Variants in DPP6 observed in about 807,000 individuals in gnomAD.
DPP6 encodes the protein dipeptidyl peptidase like 6, also known as A-type potassium channel modulatory protein DPP6.
In DPP6, 69 loss-of-function variants were observed where a neutral mutation model predicts 122.6. The ratio of observed to expected loss-of-function variants is 0.56; its 90% confidence interval spans 0.46 to 0.69. The LOEUF is 0.69. Among genes scored for constraint, DPP6 ranks in the 30% least tolerant of loss-of-function variants. DPP6 has a pLI of 0.00. For missense variants in DPP6, 928 were observed against 1,116.9 expected, an observed-to-expected ratio of 0.83 and a Z score of 2.41; for synonymous variants, 418 against 433.1, an observed-to-expected ratio of 0.97 and a Z score of 0.43.
the DPP6 span, among the ~76,000 whole-genome samples, chr7:153,757,412 G>A: frequency 1.4e-4 from 22 of 152,176 alleles, no homozygotes; most frequent in African/African-American, 3.1e-4. Flanking sequence ...CTGGGGCCTC[G>A]TGGAAACTTC....
rs190890517 is a variant in DPP6 at position 153,956,034 on chromosome 7, C to T, written c.51+68300C>T. Among the ~76,000 whole-genome samples, 448 of 152,282 alleles carry T rather than the reference C, an allele frequency of 2.9e-3. 4 individuals are homozygous for T. Among genetic ancestry groups the T allele is most frequent in the Non-Finnish European group, 3.0e-3 (206 of 68,014 alleles). Reference sequence around the variant, plus strand: ...TGAGAAGCAGATGGATGTTCAGTACCGCCCCTGGGCCCAGTTCACAGCTGC... The same window carrying T: ...TGAGAAGCAGATGGATGTTCAGTACTGCCCCTGGGCCCAGTTCACAGCTGC... On this transcript the variant is annotated intron_variant, in intron 1 of 25. Coordinates refer to the DPP6 transcript ENST00000404039.
intron 1 of DPP6, among the ~76,000 whole-genome samples, chr7:154,019,540 G>A (rs2533828): frequency 0.088 from 13,221 of 149,414 alleles, 822 homozygotes; most frequent in African/African-American, 0.18. Context: ...CATATTTAAT[G>A]CACACAGTGT....
chr7:154,555,248 T>C (rs1036905539), intron 4 of DPP6, among the ~76,000 whole-genome samples: 5 of 152,144 alleles, frequency 3.3e-5, no homozygotes, highest in Non-Finnish European at 7.3e-5. Flanking sequence ...ACCTAACATA[T>C]ATTAGTTTTA....
intron 1 of DPP6, among the ~76,000 whole-genome samples, chr7:154,348,567 TC>T (rs1164666106): frequency 3.3e-5 from 5 of 152,256 alleles, no homozygotes; most frequent in South Asian, 2.1e-4. Context: ...CATTTTAGAC[TC>T]ATGAAAGGTA....
chr7:154,271,118 T>G (rs568734261), intron 1 of DPP6, among the ~76,000 whole-genome samples: 7 of 152,226 alleles, frequency 4.6e-5, no homozygotes, highest in Non-Finnish European at 1.0e-4. Flanking sequence ...CTCAGAAGAC[T>G]GTGTCTTCAT....
intron 6 of DPP6, among the ~76,000 whole-genome samples, chr7:154,646,954 T>C (rs1040736781): frequency 6.6e-6 from 1 of 152,186 alleles, no homozygotes; most frequent in Non-Finnish European, 1.5e-5. Context: ...GGGACTTTCT[T>C]AGAAAGTCTA....
At chr7:154,570,979 G>T (rs971311131) in intron 5 of DPP6, among the ~76,000 whole-genome samples, 3 of 152,170 alleles carry the variant, frequency 2.0e-5, no homozygotes, top group African/African-American at 7.2e-5. Context: ...TTTGCAATGT[G>T]TGCTTATTTA....
At chr7:154,117,796 C>T (rs891092842) in intron 1 of DPP6, among the ~76,000 whole-genome samples, 2 of 151,618 alleles carry the variant, frequency 1.3e-5, no homozygotes, top group African/African-American at 4.8e-5. Flanking sequence ...TGCAGGTGAG[C>T]AGACGGGTAG....
chr7:154,010,153 A>T (rs1798093892), intron 1 of DPP6, among the ~76,000 whole-genome samples: 3 of 152,138 alleles, frequency 2.0e-5, no homozygotes, highest in Non-Finnish European at 2.9e-5. Flanking sequence ...AACAACCCGG[A>T]TTCTTGTCTT....
chr7:154,449,017 T>G (rs1259498638), intron 2 of DPP6, among the ~76,000 whole-genome samples: 1 of 152,150 alleles, frequency 6.6e-6, no homozygotes, highest in Admixed American at 6.5e-5. Flanking sequence ...TAGGCAATGG[T>G]TTCTTACATG....
chr7:154,152,046 G>T (rs1181526274), intron 1 of DPP6, among the ~76,000 whole-genome samples: 1 of 150,990 alleles, frequency 6.6e-6, no homozygotes, highest in Non-Finnish European at 1.5e-5. Flanking sequence ...CTTAGCCTGG[G>T]GTTCTCCACA....
rs1010754767 is a variant in DPP6, at chr7:153,990,172, G to A, written c.51+102438G>A. 4.3e-4 allele frequency among the ~76,000 whole-genome samples: 15 copies of A among 35,120 alleles called. No individual in the cohort carries two copies. The East Asian group carries it at 5.7e-3, about 13-fold the overall frequency. 23.0% of individuals were successfully genotyped at this position (35,120 alleles called of 152,430 possible). On this transcript the variant is annotated intron_variant, in intron 1 of 25. Coordinates refer to the DPP6 transcript ENST00000404039. Reference sequence around the variant, plus strand: ...CCTCAGACAGTTTTGCCCCTTGCCAGCTGGAGGTGGGCCTCCTCCAGCCAG... The same window carrying A: ...CCTCAGACAGTTTTGCCCCTTGCCAACTGGAGGTGGGCCTCCTCCAGCCAG...
At chr7:153,759,989 C>T in the DPP6 span, among the ~76,000 whole-genome samples, 6 of 152,112 alleles carry the variant, frequency 3.9e-5, no homozygotes, top group African/African-American at 1.4e-4. Flanking sequence ...CTCTCTCTCT[C>T]TCTCTCTATC....
At chr7:154,621,553 G>T (rs1447413353) in intron 5 of DPP6, among the ~76,000 whole-genome samples, 1 of 143,802 alleles carries the variant, frequency 7.0e-6, no homozygotes, top group Non-Finnish European at 1.5e-5. Context: ...ATTTTTAGTA[G>T]AGACGGTTTC....
intron 1 of DPP6, among the ~76,000 whole-genome samples, chr7:153,960,524 G>C (rs1361217502): frequency 6.6e-6 from 1 of 151,372 alleles, no homozygotes; most frequent in East Asian, 2.0e-4. Context: ...AAGCTGGAAA[G>C]AGTGAGTGAT....
the DPP6 span, among the ~76,000 whole-genome samples, chr7:153,816,470 A>G: frequency 6.6e-6 from 1 of 152,206 alleles, no homozygotes; most frequent in African/African-American, 2.4e-5. Flanking sequence ...TGTTTCCCTT[A>G]TGATTAAATA....
At chr7:154,587,259 C>T in intron 5 of DPP6, 1 of 263,804 alleles carries the variant, frequency 3.8e-6, no homozygotes, top group South Asian at 5.4e-5. Context: ...CTCCTTTTGT[C>T]TGACCAATGC....
At chr7:153,788,585 C>T in the DPP6 span, among the ~76,000 whole-genome samples, 3 of 152,098 alleles carry the variant, frequency 2.0e-5, no homozygotes, top group Admixed American at 2.0e-4. Context: ...CATGTTTGTA[C>T]CTAGTCAAAG....
At chr7:154,796,910 A>C (rs1587169885) in intron 12 of DPP6, among the ~76,000 whole-genome samples, 1 of 152,322 alleles carries the variant, frequency 6.6e-6, no homozygotes, top group Middle Eastern at 3.4e-3. Flanking sequence ...CACAAGAGGA[A>C]TGGTTCCACA....
Sources: gnomAD v4.1 joint callset for allele counts (sites outside exome capture counted in the v4.1 genomes callset) on GRCh38, gnomAD v4.1.1 for gene constraint, MANE v1.5 for transcripts, NCBI Gene and HGNC (gene_info 2026-07-23, HGNC 2026-07-21) for gene names.